The following SNTG1 variants were observed in gnomAD, a reference collection of about 807,000 sequenced individuals.
The protein encoded by SNTG1 is syntrophin gamma 1.
A neutral mutation model predicts 74.7 loss-of-function variants in SNTG1; 39 were observed. The ratio of observed to expected loss-of-function variants is 0.52; its 90% confidence interval spans 0.40 to 0.68. The LOEUF (loss-of-function observed/expected upper bound fraction) is 0.68, where lower values mean the gene tolerates loss of function less well. Among genes scored for constraint, SNTG1 ranks in the 30% least tolerant of loss-of-function variants. The probability of loss-of-function intolerance (pLI) is 0.00; values close to 1 mark genes in which losing one functional copy is unlikely to be tolerated. For synonymous variants in SNTG1, 254 were observed against 217.1 expected, an observed-to-expected ratio of 1.17 and a Z score of -1.49; for missense variants, 685 against 609.5, an observed-to-expected ratio of 1.12 and a Z score of -1.30.
intron 1 of SNTG1, among the ~76,000 whole-genome samples, chr8:49,980,910 C>A (rs1236273812): frequency 6.7e-6 from 1 of 148,982 alleles, no homozygotes; most frequent in East Asian, 1.9e-4. Flanking sequence ...TTAAAAAAAT[C>A]TTTTCTTAGA....
At chr8:50,751,504 G>T (rs574404155) in intron 17 of SNTG1, among the ~76,000 whole-genome samples, 1 of 152,024 alleles carries the variant, frequency 6.6e-6, no homozygotes, top group South Asian at 2.1e-4. Flanking sequence ...TACTTTCCAA[G>T]ATATTACAGA....
Position 49,984,899 on chromosome 8 carries a change from A to G in SNTG1, c.-103+72668A>G, listed in dbSNP as rs1489891981. ...TCTCGGTAATCTTAAAATTGTAAGCATCTGTATCATAAAGCAATCTGTTCT... is the reference window on the plus strand; with the variant it reads ...TCTCGGTAATCTTAAAATTGTAAGCGTCTGTATCATAAAGCAATCTGTTCT... On this transcript the variant is annotated intron_variant, in intron 1 of 18. Coordinates refer to ENST00000642720, the MANE Select transcript of SNTG1 (RefSeq NM_018967.5). Among the ~76,000 whole-genome samples the G allele has an allele frequency of 7.2e-5, 11 of 152,292 alleles. No individual in the cohort carries two copies. The East Asian group carries it at 1.9e-3, about 27-fold the overall frequency.
At chr8:50,163,418 T>TC (rs2082495839) in intron 1 of SNTG1, 2 of 152,030 alleles carry the variant, frequency 1.3e-5, no homozygotes, top group African/African-American at 4.8e-5. Flanking sequence ...ATTCCAAGTT[T>TC]TTTTTTTTTT....
intron 9 of SNTG1, among the ~76,000 whole-genome samples, chr8:50,504,213 T>G (rs1410210653): frequency 6.6e-6 from 1 of 152,198 alleles, no homozygotes; most frequent in Non-Finnish European, 1.5e-5. Context: ...CCATGGTGTA[T>G]ATGTACAACA....
At chr8:50,374,496 G>A (rs16914780) in intron 2 of SNTG1, among the ~76,000 whole-genome samples, 34,604 of 152,074 alleles carry the variant, frequency 0.23, 4,059 homozygotes, top group South Asian at 0.35. Flanking sequence ...CTGTTGTAAG[G>A]CGCACAAAAG....
intron 1 of SNTG1, among the ~76,000 whole-genome samples, chr8:49,949,248 C>T (rs1304925386): frequency 6.6e-6 from 1 of 152,198 alleles, no homozygotes; most frequent in Non-Finnish European, 1.5e-5. Flanking sequence ...AATGGCACCA[C>T]ACATTTACAT....
At chr8:50,380,507 A>G (rs1234077413) in intron 2 of SNTG1, among the ~76,000 whole-genome samples, 2 of 152,232 alleles carry the variant, frequency 1.3e-5, no homozygotes, top group African/African-American at 4.8e-5. Flanking sequence ...AACATTATAG[A>G]GACTTTTTAA....
At chr8:50,083,846 CAGTA>C (rs1354778336) in intron 1 of SNTG1, among the ~76,000 whole-genome samples, 1 of 152,112 alleles carries the variant, frequency 6.6e-6, no homozygotes, top group Non-Finnish European at 1.5e-5. Flanking sequence ...ACTATCCAGT[CAGTA>C]ATTTTGCAAC....
chr8:50,500,397 A>C (rs2093941291), intron 8 of SNTG1, among the ~76,000 whole-genome samples: 1 of 152,076 alleles, frequency 6.6e-6, no homozygotes, highest in Non-Finnish European at 1.5e-5. Context: ...CTATTTGGAT[A>C]TTATAACATA....
At chr8:50,277,636 T>C (rs1379019035) in intron 2 of SNTG1, among the ~76,000 whole-genome samples, 1 of 152,168 alleles carries the variant, frequency 6.6e-6, no homozygotes, top group Non-Finnish European at 1.5e-5. Flanking sequence ...ATATTCATTC[T>C]TTGTGCAGAG....
chr8:50,725,125 G>C (rs943474375), intron 17 of SNTG1, among the ~76,000 whole-genome samples: 3 of 152,102 alleles, frequency 2.0e-5, no homozygotes, highest in Admixed American at 1.3e-4. Flanking sequence ...TATGCATAAA[G>C]AATGATTTGT....
At chr8:50,211,986 G>T (rs1015963383) in intron 2 of SNTG1, among the ~76,000 whole-genome samples, 17 of 152,208 alleles carry the variant, frequency 1.1e-4, no homozygotes, top group South Asian at 2.1e-4. Flanking sequence ...TATGTGTTCT[G>T]CAGTAATTCT....
chr8:50,127,235 T>A (rs561331600), intron 1 of SNTG1, among the ~76,000 whole-genome samples: 1 of 152,094 alleles, frequency 6.6e-6, no homozygotes, highest in African/African-American at 2.4e-5. Flanking sequence ...GAGGCCTATA[T>A]GATAGAGGCA....
rs188698068 is a variant in SNTG1 at position 50,199,163 on chromosome 8, T to C, written c.-28+26528T>C. Among the ~76,000 whole-genome samples, 110 of 152,230 alleles carry C rather than the reference T, an allele frequency of 7.2e-4. No homozygotes were observed. The East Asian group carries it at 0.015, about 21-fold the overall frequency. On this transcript the variant is annotated intron_variant, in intron 2 of 18. Transcript: ENST00000642720. Reference sequence around the variant, plus strand: ...TGTTTTTTTTTAAAATCACAGTTTCTTGTGATTAGACAAAACTGTTGAATG... The same window carrying C: ...TGTTTTTTTTTAAAATCACAGTTTCCTGTGATTAGACAAAACTGTTGAATG...
chr8:50,070,387 G>C (rs796679940), intron 1 of SNTG1, among the ~76,000 whole-genome samples: 4 of 152,176 alleles, frequency 2.6e-5, no homozygotes, highest in African/African-American at 9.6e-5. Context: ...TAGTGAAAAC[G>C]TATCATCCAC....
chr8:50,065,378 A>G (rs190907171), intron 1 of SNTG1, among the ~76,000 whole-genome samples: 39 of 152,328 alleles, frequency 2.6e-4, no homozygotes, highest in African/African-American at 9.1e-4. Flanking sequence ...TCCTGAGGCA[A>G]GCAAATGAAC....
intron 2 of SNTG1, among the ~76,000 whole-genome samples, chr8:50,178,174 C>A (rs986719806): frequency 6.6e-6 from 1 of 152,156 alleles, no homozygotes; most frequent in East Asian, 1.9e-4. Flanking sequence ...GCTTTCAAAT[C>A]CATTGGTAAT....
chr8:50,411,454 A>T (rs118139053), intron 4 of SNTG1, among the ~76,000 whole-genome samples: 7,195 of 151,486 alleles, frequency 0.047, 249 homozygotes, highest in Middle Eastern at 0.16. Flanking sequence ...TCTCAAAAAA[A>T]AAAAATAAAA....
At position 49,915,638 on chromosome 8, in the gene SNTG1, G is replaced by A. The variant is rs1037419299; in HGVS notation, c.-103+3407G>A. 2.6e-5 allele frequency among the ~76,000 whole-genome samples: 4 copies of A among 152,066 alleles called. 1 individual carries two copies. The highest frequency in any genetic ancestry group is 4.1e-4 in the South Asian group (2 of 4,820). ...TGACCTTCAAAGAATCTATCATGTC[G>A]TGTCATAATTTTCTAGTTTATAAAG... On this transcript the variant is annotated intron_variant, in intron 1 of 18. Transcript: ENST00000642720.
Sources: allele counts gnomAD v4.1 joint callset (sites outside exome capture counted in the v4.1 genomes callset), GRCh38; gene constraint gnomAD v4.1.1; transcripts MANE v1.5; gene names NCBI Gene and HGNC (gene_info 2026-07-23, HGNC 2026-07-21).